The following FGR variants were observed in gnomAD, a reference collection of about 807,000 sequenced individuals.
The protein encoded by FGR is FGR proto-oncogene, Src family tyrosine kinase, also known as tyrosine-protein kinase Fgr.
A neutral mutation model predicts 63.2 loss-of-function variants in FGR; 26 were observed. That is an observed-to-expected ratio of 0.41 (90% CI 0.30 to 0.57). The LOEUF (loss-of-function observed/expected upper bound fraction) is 0.57, where lower values mean the gene tolerates loss of function less well. Ranked by LOEUF, FGR falls within the 20% of genes least tolerant of loss-of-function variation. FGR has a pLI of 0.27. For missense variants in FGR, 511 were observed against 690.8 expected (o/e 0.74, Z 2.92); for synonymous variants, 286 against 277.7 (o/e 1.03, Z -0.30).
intron 1 of FGR, chr1:27,626,034 G>A (rs1248597306): frequency 2.5e-6 from 1 of 398,730 alleles, no homozygotes; most frequent in African/African-American, 2.1e-5. Context: ...CTGAGTGAGA[G>A]TGGATACCTA....
At chr1:27,624,326 C>A (rs1216847564) in intron 2 of FGR, among the ~76,000 whole-genome samples, 1 of 152,196 alleles carries the variant, frequency 6.6e-6, no homozygotes, top group South Asian at 2.1e-4. Context: ...GCCTTGATCT[C>A]CTGGGCTCAA....
chr1:27,631,470 G>C (rs72655019), intron 1 of FGR, among the ~76,000 whole-genome samples: 14,903 of 152,268 alleles, frequency 0.098, 1,021 homozygotes, highest in Non-Finnish European at 0.15. Flanking sequence ...GGGATCTAGA[G>C]GCAGATTTAG....
At chr1:27,631,730 A>G (rs2090108039) in intron 1 of FGR, among the ~76,000 whole-genome samples, 2 of 152,164 alleles carry the variant, frequency 1.3e-5, no homozygotes, top group Admixed American at 6.5e-5. Context: ...ACCAGAGGGT[A>G]CAGAACTGGG....
chr1:27,630,274 C>T (rs2090086950), intron 1 of FGR, among the ~76,000 whole-genome samples: 2 of 152,158 alleles, frequency 1.3e-5, no homozygotes, highest in South Asian at 2.1e-4. Flanking sequence ...CGGATGGTCT[C>T]GATCTCCTGA....
intron 1 of FGR, among the ~76,000 whole-genome samples, chr1:27,628,245 G>A (rs72886362): frequency 0.013 from 1,909 of 151,596 alleles, 54 homozygotes; most frequent in African/African-American, 0.044. Context: ...TGCCTCGAGA[G>A]GCTGAGGCAG....
At chr1:27,631,748 G>A (rs529525546) in intron 1 of FGR, among the ~76,000 whole-genome samples, 67 of 152,264 alleles carry the variant, frequency 4.4e-4, no homozygotes, top group Non-Finnish European at 8.1e-4. Flanking sequence ...GGGCAGGGCT[G>A]AGAAGAAAGA....
chr1:27,614,973 C>T (rs1036235980), intron 9 of FGR, 47 bp from the exon 10 acceptor site: 5 of 1,476,438 alleles, frequency 3.4e-6, no homozygotes, highest in Non-Finnish European at 3.7e-6. Flanking sequence ...CCCCGGGCCC[C>T]AGCCCCTCCT....
At chr1:27,633,704 C>A (rs889226350) in intron 1 of FGR, among the ~76,000 whole-genome samples, 1 of 152,214 alleles carries the variant, frequency 6.6e-6, no homozygotes, top group African/African-American at 2.4e-5. Context: ...GGTGCCACCA[C>A]TTCCAGCCTT....
chr1:27,612,897 G>A lies in FGR; in HGVS notation c.*17C>T, dbSNP rs774826128. The A allele has an allele frequency of 3.1e-6, 5 of 1,608,172 alleles. No homozygotes were observed. Among genetic ancestry groups the A allele is most frequent in the Admixed American group, 3.4e-5 (2 of 59,692 alleles). ...GGACTGGTGGCCACCGCCAGAGAGGGTTGATGCCCGGACAGGCTATGTCTG... is the reference window on the plus strand; with the variant it reads ...GGACTGGTGGCCACCGCCAGAGAGGATTGATGCCCGGACAGGCTATGTCTG... On this transcript the variant is annotated 3_prime_UTR_variant, in exon 13 of 13. Coordinates refer to ENST00000374005, the MANE Select transcript of FGR (RefSeq NM_005248.3).
chr1:27,625,384 C>T (rs1474834766), intron 1 of FGR, among the ~76,000 whole-genome samples: 1 of 152,200 alleles, frequency 6.6e-6, no homozygotes, highest in Non-Finnish European at 1.5e-5. Flanking sequence ...GACCCACCAG[C>T]ACAGTCACAC....
Position 27,617,192 on chromosome 1 carries a change from C to G in FGR, c.532+1G>C, listed in dbSNP as rs745669780. ...GCCTTGGGGCGTGGCACCACCCCTA[C>G]CTTTGGTGGTCTCGCTTTCCCGAAT... On this transcript the variant is annotated splice_donor_variant, in intron 6 of 12. Transcript: ENST00000374005. LOFTEE classifies it high-confidence loss of function. The surrounding 1 kb of genome is among the most constrained non-coding windows in gnomAD (Gnocchi z 4.5). 11 of 1,613,036 alleles carry G rather than the reference C, an allele frequency of 6.8e-6. No individual in the cohort carries two copies. The highest frequency in any genetic ancestry group is 8.5e-6 in the Non-Finnish European group (10 of 1,178,958).
chr1:27,614,300 CCT>C, intron 11 of FGR, 128 bp downstream of exon 11: 2 of 1,061,902 alleles, frequency 1.9e-6, no homozygotes, highest in Non-Finnish European at 2.7e-6. Flanking sequence ...CCCAGAATTG[CCT>C]CTCATACTAC....
intron 5 of FGR, among the ~76,000 whole-genome samples, chr1:27,619,664 G>A (rs1464215616): frequency 1.3e-5 from 2 of 152,254 alleles, no homozygotes; most frequent in African/African-American, 2.4e-5. Context: ...AGCATGGGCT[G>A]GTTGCCTGCC....
At chr1:27,629,509 G>A (rs1465767227) in intron 1 of FGR, among the ~76,000 whole-genome samples, 2 of 152,012 alleles carry the variant, frequency 1.3e-5, no homozygotes, top group African/African-American at 4.8e-5. Context: ...AAGAGAGAGA[G>A]AGAGCTAAAG....
Position 27,612,659 on chromosome 1 carries a change from C to T in FGR, c.*255G>A, listed in dbSNP as rs766163436. 2 of 478,920 alleles carry T rather than the reference C, an allele frequency of 4.2e-6. No individual in the cohort carries two copies. The highest frequency in any genetic ancestry group is 7.6e-6 in the Non-Finnish European group (2 of 264,750). The allele number at this position is 478,920 out of a possible 1,614,324, so 29.7% of individuals were successfully genotyped here. On this transcript the variant is annotated 3_prime_UTR_variant, in exon 13 of 13. Coordinates refer to ENST00000374005, the MANE Select transcript of FGR (RefSeq NM_005248.3). Reference sequence around the variant, plus strand: ...GGTGGGGATGGAGTGAGAAAGGCTACAGGCATGTAGGGGCCTAAGTGGAAA... The same window carrying T: ...GGTGGGGATGGAGTGAGAAAGGCTATAGGCATGTAGGGGCCTAAGTGGAAA...
At chr1:27,613,464 AG>A (rs1413790714) in intron 11 of FGR, 114 bp from the exon 12 acceptor site, 22 of 1,154,574 alleles carry the variant, frequency 1.9e-5, no homozygotes, top group Non-Finnish European at 1.2e-5. Flanking sequence ...GCACTTTGGG[AG>A]GCCAAGGCAG....
intron 10 of FGR, 23 bp downstream of exon 10, chr1:27,614,827 G>A (rs1191938999): frequency 6.4e-7 from 1 of 1,570,316 alleles, no homozygotes; most frequent in South Asian, 1.2e-5. Flanking sequence ...GGTCCGGGAG[G>A]TAAAGGCTGC....
rs1254280339 is a variant in FGR at position 27,615,412 on chromosome 1, C to A, written c.1018+22G>T. 6.3e-7 allele frequency: 1 copy of A among 1,588,980 alleles called. No individual in the cohort carries two copies. ...TCTTAACTTCACCCCGAATCCCGCC[C>A]GACCAGGCTCCGCCTCCTGACCGTG... is the stretch of plus-strand genomic sequence containing the variant. On this transcript the variant is annotated intron_variant, in intron 9 of 12. Transcript: ENST00000374005. This position sits in a 1 kb window ranked among gnomAD's most constrained non-coding sequence, Gnocchi z 7.6.
At chr1:27,614,350 AG>A in intron 11 of FGR, 79 bp downstream of exon 11, 2 of 1,472,094 alleles carry the variant, frequency 1.4e-6, no homozygotes, top group Non-Finnish European at 1.8e-6. Flanking sequence ...GGAGTGAGGA[AG>A]GGTTCCTGAG....
Sources: allele counts gnomAD v4.1 joint callset (sites outside exome capture counted in the v4.1 genomes callset), GRCh38; gene constraint gnomAD v4.1.1; non-coding constraint Gnocchi (gnomAD v3.1); transcripts MANE v1.5; gene names NCBI Gene and HGNC (gene_info 2026-07-23, HGNC 2026-07-21).